The following PHOSPHO1 variants were observed in gnomAD, a reference collection of about 807,000 sequenced individuals.
PHOSPHO1 encodes the protein phosphoethanolamine/phosphocholine phosphatase 1.
PHOSPHO1 carries 6 observed loss-of-function variants against 17.7 expected under a neutral mutation model. The ratio of observed to expected loss-of-function variants is 0.34; its 90% CI spans 0.19 to 0.67. The LOEUF is 0.67. Ranked by LOEUF, PHOSPHO1 falls within the 30% of genes least tolerant of loss-of-function variation. The pLI is 0.69. For synonymous variants in PHOSPHO1, 159 were observed against 174.6 expected (o/e 0.91, Z 0.71); for missense variants, 330 against 392.1 (o/e 0.84, Z 1.34).
At chr17:49,226,612 C>T (rs2043359780) in intron 2 of PHOSPHO1, 35 bp downstream of exon 2, 1 of 1,611,488 alleles carries the variant, frequency 6.2e-7, no homozygotes, top group Non-Finnish European at 8.5e-7. Context: ...GGGCTGAGGC[C>T]TCATCCTAGG....
Position 49,224,701 on chromosome 17 carries a change from C to T in PHOSPHO1, c.349G>A (p.Glu117Lys), listed in dbSNP as rs1451423704. The change falls in exon 3 of 3, where the codon GAG becomes AAG. Residue 117 changes from glutamate to lysine, a missense_variant. Glu to Lys is a moderately conservative substitution (Grantham distance 56, BLOSUM62 1). Coordinates refer to ENST00000310544, the MANE Select transcript of PHOSPHO1 (RefSeq NM_178500.4). ...TTGGCATCGGAGATGAGAATCACCTCGAAGCAGGCGCCCTGTTTTGCCACA... is the reference window on the plus strand; with the variant it reads ...TTGGCATCGGAGATGAGAATCACCTTGAAGCAGGCGCCCTGTTTTGCCACA... ...QFVAKQGACF[E>K]VILISDANTF... 6.3e-7 allele frequency: 1 copy of T among 1,593,224 alleles called. No homozygotes were observed. Among genetic ancestry groups the T allele is most frequent in the African/African-American group, 1.3e-5 (1 of 74,578 alleles).
chr17:49,226,244 T>C (rs1016349946), intron 2 of PHOSPHO1, among the ~76,000 whole-genome samples: 4 of 152,164 alleles, frequency 2.6e-5, no homozygotes, highest in South Asian at 2.1e-4. Context: ...TGTTTCTCTT[T>C]CTGGTTTCTT....
chr17:49,224,614 G>C lies in PHOSPHO1; in HGVS notation c.436C>G (p.Leu146Val). 6.3e-7 allele frequency: 1 copy of C among 1,580,200 alleles called. No individual in the cohort carries two copies. Among genetic ancestry groups the C allele is most frequent in the Non-Finnish European group, 8.6e-7 (1 of 1,168,860 alleles). Residue 146 changes from leucine to valine, a missense_variant, in exon 3 of 3, where the codon CTC (leucine) becomes GTC (valine). Physicochemically the swap from Leu to Val is conservative, Grantham distance 32. Transcript: ENST00000310544. ...GCATCCGGCCCCGACGGGTTGCTGA[G>C]GATGCGGCGGAACAGGCTGTGGTGG... is the stretch of plus-strand genomic sequence containing the variant. ...AGHHSLFRRI[L>V]SNPSGPDARG... is the part of the protein sequence containing the mutation.
At position 49,224,996 on chromosome 17, in the gene PHOSPHO1, C is replaced by T. The variant is rs910691545; in HGVS notation, c.54G>A (p.Arg18=). The T allele has an allele frequency of 3.3e-6, 5 of 1,526,800 alleles. No homozygotes were observed. The highest frequency in any genetic ancestry group is 4.4e-6 in the Non-Finnish European group (5 of 1,137,148). The allele number at this position is 1,526,800 out of a possible 1,614,324, so 94.6% of individuals were successfully genotyped here. ...AGCGCGGCGCGCCCTGCGCGGCCAT[C>T]CTGCCGTCCTGGGAGCAGGGGGGAG... The part of the protein sequence containing the change: ...SGLRCLSRDG[R]MAAQGAPRFL... The change falls in exon 3 of 3, where the codon AGG becomes AGA. Residue 18 remains arginine (R), a synonymous_variant. Coordinates refer to ENST00000310544, the MANE Select transcript of PHOSPHO1 (RefSeq NM_178500.4).
rs747610245 is a variant in PHOSPHO1 at position 49,226,709 on chromosome 17, G to C, written c.-18C>G. The C allele has an allele frequency of 1.9e-6, 3 of 1,614,008 alleles. No individual in the cohort carries two copies. The African/African-American group carries it at 4.0e-5, about 22-fold the overall frequency. On this transcript the variant is annotated 5_prime_UTR_variant, in exon 2 of 3. Transcript: ENST00000310544. Reference sequence around the variant, plus strand: ...CCACTCATTGTCGGTGCATTACCGTGAGCACCACCTGTAGGGACTCTGTTG... The same window carrying C: ...CCACTCATTGTCGGTGCATTACCGTCAGCACCACCTGTAGGGACTCTGTTG...
chr17:49,227,310 A>G (rs1388954764), intron 1 of PHOSPHO1, among the ~76,000 whole-genome samples: 2 of 152,164 alleles, frequency 1.3e-5, no homozygotes, highest in African/African-American at 4.8e-5. Flanking sequence ...CAGGTCTCAC[A>G]GATGATCTGG....
intron 1 of PHOSPHO1, among the ~76,000 whole-genome samples, chr17:49,227,173 C>T (rs78551693): frequency 0.2 from 30,385 of 152,154 alleles, 3,390 homozygotes; most frequent in South Asian, 0.27. Context: ...TAACCAGCCA[C>T]GCTGTTTACA....
chr17:49,226,785 G>C, intron 1 of PHOSPHO1, 27 bp from the exon 2 acceptor site: 1 of 1,472,598 alleles, frequency 6.8e-7, no homozygotes, highest in Non-Finnish European at 9.5e-7. Context: ...TTCATTTGAG[G>C]GTGCCCAGTC....
At position 49,224,908 on chromosome 17, in the gene PHOSPHO1, G is replaced by C. The variant is rs564808415; in HGVS notation, c.142C>G (p.Arg48Gly). Reference protein sequence around the residue: ...VDENSDDSIVRAAPGQRLPES... With the variant: ...VDENSDDSIVGAAPGQRLPES... ...GGGAGCCGCTGGCCCGGCGCGGCGC[G>C]CACGATCGAATCGTCGCTGTTTTCG... The change falls in exon 3 of 3, where the codon CGC becomes GGC. Residue 48 changes from arginine to glycine, a missense_variant. Transcript: ENST00000310544. The C allele has an allele frequency of 9.4e-6, 15 of 1,599,448 alleles. No homozygotes were observed. Among genetic ancestry groups the C allele is most frequent in the Admixed American group, 1.7e-5 (1 of 57,998 alleles).
intron 1 of PHOSPHO1, 31 bp from the exon 2 acceptor site, chr17:49,226,789 C>G: frequency 1.4e-6 from 2 of 1,423,594 alleles, no homozygotes; most frequent in Non-Finnish European, 2.0e-6. Context: ...TTTGAGGGTG[C>G]CCAGTCAGCT....
intron 2 of PHOSPHO1, chr17:49,225,567 A>G (rs566360947): frequency 6.2e-5 from 77 of 1,251,030 alleles, no homozygotes; most frequent in South Asian, 4.6e-4. Flanking sequence ...TTCTAGCCCA[A>G]TGGCACTGAA....
chr17:49,225,188 A>T, intron 2 of PHOSPHO1, 184 bp from the exon 3 acceptor site: 1 of 1,429,814 alleles, frequency 7.0e-7, no homozygotes, highest in Non-Finnish European at 9.1e-7. Flanking sequence ...CACCACCTCT[A>T]TCCCCAGCCT....
chr17:49,224,038 TG>T lies in PHOSPHO1; in HGVS notation c.*207del. ...CAGAACTCAACCGTGCACAGTGGAGTGGGGGAGGCAGCCGAGGTGGGTTAAC... is the reference window on the plus strand; with the variant it reads ...CAGAACTCAACCGTGCACAGTGGAGTGGGGAGGCAGCCGAGGTGGGTTAAC... On this transcript the variant is annotated 3_prime_UTR_variant, in exon 3 of 3. Coordinates refer to ENST00000310544, the MANE Select transcript of PHOSPHO1 (RefSeq NM_178500.4). 4.3e-6 allele frequency: 3 copies of T among 695,746 alleles called. No homozygotes were observed. The highest frequency in any genetic ancestry group is 6.8e-6 in the Non-Finnish European group (3 of 442,322). The allele number at this position is 695,746 out of a possible 1,614,324, so 43.1% of individuals were successfully genotyped here.
intron 1 of PHOSPHO1, among the ~76,000 whole-genome samples, chr17:49,228,265 C>G (rs1030635266): frequency 2.2e-5 from 2 of 89,934 alleles, no homozygotes; most frequent in Non-Finnish European, 4.9e-5. Context: ...TCCTTCCTTC[C>G]TTCCTTCCTT....
At chr17:49,225,695 G>T (rs1209114000) in intron 2 of PHOSPHO1, 1 of 1,289,504 alleles carries the variant, frequency 7.8e-7, no homozygotes, top group Non-Finnish European at 1.0e-6. Flanking sequence ...TGGGGTTTCT[G>T]CCAGAGTCCG....
Position 49,230,131 on chromosome 17 carries a change from G to C in PHOSPHO1, c.-68+337C>G, listed in dbSNP as rs913980731. On this transcript the variant is annotated intron_variant, in intron 1 of 2. Transcript: ENST00000310544. Reference sequence around the variant, plus strand: ...AGGTGGCAGCTGCCGGTAGGGTTGGGGGAGAGATATTTTTAGAGGTGACTA... The same window carrying C: ...AGGTGGCAGCTGCCGGTAGGGTTGGCGGAGAGATATTTTTAGAGGTGACTA... Among the ~76,000 whole-genome samples, 7 of 152,242 alleles carry C rather than the reference G, an allele frequency of 4.6e-5. No homozygotes were observed. In the East Asian group the frequency reaches 1.4e-3, roughly 29 times the overall value.
rs1446278991 is a variant in PHOSPHO1 at position 49,224,496 on chromosome 17, A to G, written c.554T>C (p.Leu185Pro). The G allele has an allele frequency of 6.4e-7, 1 of 1,573,482 alleles. No individual in the cohort carries two copies. Among genetic ancestry groups the G allele is most frequent in the Admixed American group, 1.8e-5 (1 of 54,728 alleles). The change falls in exon 3 of 3, where the codon CTG becomes CCG. Residue 185 changes from leucine (L) to proline (P), a missense_variant. Transcript: ENST00000310544. Reference protein sequence around the residue: ...MCKHKVLSDYLRERAHDGVHF... With the variant: ...MCKHKVLSDYPRERAHDGVHF... ...CACGCCGTCGTGGGCCCGCTCGCGC[A>G]GGTAGTCGCTGAGCACCTTGTGCTT...
At chr17:49,225,840 A>G in intron 2 of PHOSPHO1, 1 of 1,195,804 alleles carries the variant, frequency 8.4e-7, no homozygotes, top group Non-Finnish European at 1.1e-6. Context: ...GAGGAGTGGG[A>G]GGGGCCAGGT....
chr17:49,225,574 T>C, intron 2 of PHOSPHO1: 1 of 1,262,956 alleles, frequency 7.9e-7, no homozygotes, highest in Non-Finnish European at 1.0e-6. Context: ...CCAATGGCAC[T>C]GAACAGGGGT....
Sources: allele counts gnomAD v4.1 joint callset (sites outside exome capture counted in the v4.1 genomes callset), GRCh38; gene constraint gnomAD v4.1.1; transcripts MANE v1.5; gene names NCBI Gene and HGNC (gene_info 2026-07-23, HGNC 2026-07-21).